The following STARD6 variants were observed in gnomAD, a reference collection of about 807,000 sequenced individuals.
The protein encoded by STARD6 is StAR related lipid transfer domain containing 6, also known as stAR-related lipid transfer protein 6.
In STARD6, 21 loss-of-function variants were observed where a neutral mutation model predicts 22.3. The ratio of observed to expected loss-of-function variants is 0.94; its 90% CI spans 0.67 to 1.35. The LOEUF is 1.35. Among genes scored for constraint, STARD6 ranks in the 40% most tolerant of loss-of-function variants. The probability of loss-of-function intolerance (pLI) is 0.00; values close to 1 mark genes in which losing one functional copy is unlikely to be tolerated. For synonymous variants in STARD6, 80 were observed against 88.1 expected (o/e 0.91, Z 0.52); for missense variants, 269 against 266.9 (o/e 1.01, Z -0.05).
chr18:54,340,302 T>C (rs1184967355), intron 4 of STARD6, among the ~76,000 whole-genome samples: 1 of 152,158 alleles, frequency 6.6e-6, no homozygotes, highest in Non-Finnish European at 1.5e-5. Flanking sequence ...GAAGTAAAGC[T>C]TTTATATCTT....
At chr18:54,351,330 C>G (rs773860188) in intron 4 of STARD6, among the ~76,000 whole-genome samples, 1 of 152,132 alleles carries the variant, frequency 6.6e-6, no homozygotes, top group Non-Finnish European at 1.5e-5. Flanking sequence ...TGACTTTATC[C>G]TGAAACTTTA....
chr18:54,337,437 C>T (rs1379644329), intron 4 of STARD6, among the ~76,000 whole-genome samples, 186 bp from the exon 5 acceptor site: 1 of 152,144 alleles, frequency 6.6e-6, no homozygotes, highest in African/African-American at 2.4e-5. Flanking sequence ...TAAATATGCA[C>T]TGCAATAAAT....
chr18:54,324,577 GAATAC>G lies in STARD6; in HGVS notation c.*110_*114del. 1.0e-6 allele frequency: 1 copy of G among 952,764 alleles called. No homozygotes were observed. The highest frequency in any genetic ancestry group is 2.1e-5 in the South Asian group (1 of 47,978). 59.0% of individuals were successfully genotyped at this position (952,764 alleles called of 1,614,324 possible). Reference sequence around the variant, plus strand: ...GAACTATCTTCAGCCATGTGTACAAGAATACTGTCTAGAATAGTTTAACAGTATTA... The same window carrying G: ...GAACTATCTTCAGCCATGTGTACAAGTGTCTAGAATAGTTTAACAGTATTA... On this transcript the variant is annotated 3_prime_UTR_variant, in exon 8 of 8. Coordinates refer to ENST00000307844, the MANE Select transcript of STARD6 (RefSeq NM_139171.2).
chr18:54,357,831 T>TTCTCCGGCCGCTCC lies in STARD6; in HGVS notation c.-129_-128insGGAGCGGCCGGAGA, dbSNP rs2089171576. The TTCTCCGGCCGCTCC allele has an allele frequency of 6.6e-6, 1 of 152,350 alleles. No homozygotes were observed. The highest frequency in any genetic ancestry group is 2.4e-5 in the African/African-American group (1 of 41,390). 9.4% of individuals were successfully genotyped at this position (152,350 alleles called of 1,614,324 possible). A position where few individuals can be genotyped will look rare whatever the true frequency, so the allele number is the denominator to read the frequency against. On this transcript the variant is annotated 5_prime_UTR_variant, in exon 1 of 8. It removes the in-frame stop codon of an upstream open reading frame in the 5' UTR. Coordinates refer to ENST00000307844, the MANE Select transcript of STARD6 (RefSeq NM_139171.2). Reference sequence around the variant, plus strand: ...CGCGACCTAACGCTCAACAGCATCCTCTCTTCTCCGGCCGCTCCCTCATCT... The same window carrying TTCTCCGGCCGCTCC: ...CGCGACCTAACGCTCAACAGCATCCTTCTCCGGCCGCTCCCTCTTCTCCGGCCGCTCCCTCATCT...
At chr18:54,342,031 CA>C (rs938395245) in intron 4 of STARD6, among the ~76,000 whole-genome samples, 1 of 151,640 alleles carries the variant, frequency 6.6e-6, no homozygotes, top group Non-Finnish European at 1.5e-5. Context: ...TAGATGTACG[CA>C]AAAAAAGAGA....
intron 4 of STARD6, among the ~76,000 whole-genome samples, chr18:54,346,748 T>C: frequency 6.6e-6 from 1 of 152,064 alleles, no homozygotes; most frequent in South Asian, 2.1e-4. Context: ...TGACACAAGC[T>C]ACAACATGGG....
chr18:54,327,669 G>A (rs2088835199), intron 7 of STARD6, among the ~76,000 whole-genome samples: 1 of 152,072 alleles, frequency 6.6e-6, no homozygotes, highest in Non-Finnish European at 1.5e-5. Flanking sequence ...TTTCATCAAT[G>A]TAATCCCTAT....
At chr18:54,355,072 C>A (rs181248501) in intron 2 of STARD6, among the ~76,000 whole-genome samples, 2 of 152,146 alleles carry the variant, frequency 1.3e-5, no homozygotes, top group Non-Finnish European at 2.9e-5. Context: ...ATTTAAAGTG[C>A]GTAGCAGTGG....
intron 3 of STARD6, 131 bp downstream of exon 3, chr18:54,354,353 T>C (rs2089124508): frequency 2.6e-6 from 2 of 774,500 alleles, no homozygotes. Flanking sequence ...GTTAGCCTCC[T>C]GAGTAGCTGG....
rs530181161 is a variant in STARD6, at chr18:54,347,742, A to G, written c.140+6312T>C. 2.8e-3 allele frequency among the ~76,000 whole-genome samples: 429 copies of G among 152,238 alleles called. 1 individual carries two copies. Among genetic ancestry groups the G allele is most frequent in the Non-Finnish European group, 4.6e-3 (314 of 67,968 alleles). ...GTTCCTCCAAATATATCTACACATT[A>G]TGTAGAACCAGGATGAATCCTGAGC... On this transcript the variant is annotated intron_variant, in intron 4 of 7. Coordinates refer to ENST00000307844, the MANE Select transcript of STARD6 (RefSeq NM_139171.2).
intron 6 of STARD6, 118 bp downstream of exon 6, chr18:54,331,624 A>T: frequency 1.4e-6 from 1 of 718,620 alleles, no homozygotes; most frequent in Non-Finnish European, 2.3e-6. Context: ...TGATCCCACT[A>T]AGTAAATTTA....
intron 5 of STARD6, among the ~76,000 whole-genome samples, chr18:54,335,268 C>G (rs1445338403): frequency 1.3e-5 from 2 of 151,988 alleles, no homozygotes; most frequent in African/African-American, 4.8e-5. Context: ...GATCCTGGCT[C>G]ACTGCAACCT....
chr18:54,343,838 G>A (rs2089009423), intron 4 of STARD6, among the ~76,000 whole-genome samples: 4 of 64,164 alleles, frequency 6.2e-5, no homozygotes, highest in Admixed American at 1.2e-4. Flanking sequence ...CTGCCCGGCC[G>A]CCCCTACTGG....
At chr18:54,328,093 A>T (rs549414285) in intron 7 of STARD6, among the ~76,000 whole-genome samples, 2 of 152,196 alleles carry the variant, frequency 1.3e-5, no homozygotes, top group African/African-American at 2.4e-5. Context: ...TTATGAGATT[A>T]AAAAAACCAT....
chr18:54,348,349 T>G (rs2144691703), intron 4 of STARD6, among the ~76,000 whole-genome samples: 2 of 152,266 alleles, frequency 1.3e-5, no homozygotes, highest in Middle Eastern at 6.8e-3. Context: ...AGTAGTATCC[T>G]AAACAAGCAT....
chr18:54,356,297 T>A (rs1248820570), intron 2 of STARD6, 64 bp downstream of exon 2: 1 of 152,256 alleles, frequency 6.6e-6, no homozygotes, highest in Non-Finnish European at 1.5e-5. Context: ...TCTCTATATT[T>A]GAAAAGTTTT....
intron 4 of STARD6, among the ~76,000 whole-genome samples, chr18:54,347,852 G>A (rs946153670): frequency 6.6e-6 from 1 of 151,982 alleles, no homozygotes; most frequent in African/African-American, 2.4e-5. Flanking sequence ...ATATGGGTTG[G>A]TTCTGTATCC....
chr18:54,345,441 C>G (rs915248865), intron 4 of STARD6, among the ~76,000 whole-genome samples: 11 of 152,098 alleles, frequency 7.2e-5, no homozygotes, highest in Non-Finnish European at 1.5e-4. Context: ...AGAGAGACAT[C>G]CTATGTTCAT....
chr18:54,328,913 A>T (rs974984644), intron 7 of STARD6, among the ~76,000 whole-genome samples: 2 of 152,166 alleles, frequency 1.3e-5, no homozygotes, highest in Non-Finnish European at 2.9e-5. Flanking sequence ...TTTTGCAGGT[A>T]TCTGCTCTTA....
Sources: gnomAD v4.1 joint callset for allele counts (sites outside exome capture counted in the v4.1 genomes callset) on GRCh38, gnomAD v4.1.1 for gene constraint, MANE v1.5 for transcripts, NCBI Gene and HGNC (gene_info 2026-07-23, HGNC 2026-07-21) for gene names.